TACC2: variants seen among roughly 807,000 people sequenced by gnomAD.
TACC2 encodes transforming acidic coiled-coil-containing protein 2.
In TACC2, 137 loss-of-function variants were observed where a neutral mutation model predicts 227.3. That is an observed-to-expected ratio of 0.60 (90% CI 0.52 to 0.69). The LOEUF (loss-of-function observed/expected upper bound fraction) is 0.69. Ranked by LOEUF, TACC2 falls within the 30% of genes least tolerant of loss-of-function variation. The pLI is 0.00. For missense variants in TACC2, 3,470 were observed against 3,694.4 expected, an observed-to-expected ratio of 0.94 and a Z score of 1.57; for synonymous variants, 1,523 against 1,487.5, an observed-to-expected ratio of 1.02 and a Z score of -0.55.
intron 2 of TACC2, 106 bp downstream of exon 2, chr10:122,022,120 A>G (rs1591146009): frequency 8.8e-7 from 1 of 1,141,232 alleles, no homozygotes; most frequent in East Asian, 2.4e-5. Context: ...AGCAAACAAG[A>G]CAGCTTCTGC....
At chr10:122,133,744 C>T (rs1441259471) in intron 6 of TACC2, among the ~76,000 whole-genome samples, 1 of 152,174 alleles carries the variant, frequency 6.6e-6, no homozygotes, top group Non-Finnish European at 1.5e-5. Flanking sequence ...TTCCTGCAGT[C>T]ACCCGTTGTG....
Position 122,210,047 on chromosome 10 carries a change from G to A in TACC2, c.5972-350G>A, listed in dbSNP as rs1012504065. 5 of 264,198 alleles carry A rather than the reference G, an allele frequency of 1.9e-5. No homozygotes were observed. The highest frequency in any genetic ancestry group is 6.6e-5 in the African/African-American group (3 of 45,688). The allele number at this position is 264,198 out of a possible 1,614,324, so 16.4% of individuals were successfully genotyped here. The stretch of plus-strand genomic sequence containing the variant: ...GAATGTGACTTCCAGGAAGGGAAAG[G>A]TTTTGTCTATTTCTGTTCCTTGTTG... On this transcript the variant is annotated intron_variant, in intron 8 of 22. Coordinates refer to ENST00000369005, the MANE Select transcript of TACC2 (RefSeq NM_206862.4). The surrounding 1 kb of genome is among the most constrained non-coding windows in gnomAD (Gnocchi z 4.6).
intron 5 of TACC2, among the ~76,000 whole-genome samples, chr10:122,116,214 C>G (rs1365390014): frequency 6.6e-6 from 1 of 152,156 alleles, no homozygotes; most frequent in Non-Finnish European, 1.5e-5. Flanking sequence ...GTGAAATTCT[C>G]CAGGGAATGT....
Position 122,086,917 on chromosome 10 carries a change from G to C in TACC2, c.4417G>C (p.Glu1473Gln). The C allele has an allele frequency of 6.2e-7, 1 of 1,613,972 alleles. No individual in the cohort carries two copies. Among genetic ancestry groups the C allele is most frequent in the Non-Finnish European group, 8.5e-7 (1 of 1,180,042 alleles). The change falls in exon 4 of 23, where the codon GAG (glutamate) becomes CAG (glutamine). Residue 1473 changes from glutamate to glutamine, a missense_variant. Physicochemically the swap from Glu to Gln is conservative, Grantham distance 29. Around this residue, in one of 10 missense-constraint regions of TACC2, gnomAD observed 1,924 missense variants for 1,978.3 expected, o/e 0.97. Coordinates refer to ENST00000369005, the MANE Select transcript of TACC2 (RefSeq NM_206862.4). ...LPAPPARLQV[E>Q]KKQQLAGEAE... ...TGCACCTCCTGCTCGACTCCAGGTG[G>C]AGAAGAAGCAACAGTTGGCTGGAGA...
chr10:122,224,168 G>A (rs2095576894), intron 11 of TACC2, among the ~76,000 whole-genome samples: 1 of 152,192 alleles, frequency 6.6e-6, no homozygotes, highest in African/African-American at 2.4e-5. Context: ...GACCAGCCCT[G>A]AAGACACTGG....
At chr10:122,107,873 TATATATA>T (rs2083026222) in intron 5 of TACC2, among the ~76,000 whole-genome samples, 1 of 96,456 alleles carries the variant, frequency 1.0e-5, no homozygotes, top group Admixed American at 1.2e-4. Context: ...TATATATATA[TATATATA>T]TTTTTTTTTT....
chr10:122,059,060 TTTG>T (rs66524910), intron 3 of TACC2, among the ~76,000 whole-genome samples: 26,576 of 70,082 alleles, frequency 0.38, 3,238 homozygotes, highest in East Asian at 0.6. Flanking sequence ...GCCTGGCTAA[TTTG>T]TTGTTGTTGT....
chr10:122,196,020 G>A lies in TACC2; in HGVS notation c.5971+844G>A, dbSNP rs148988233. Among the ~76,000 whole-genome samples the A allele has an allele frequency of 2.4e-3, 360 of 152,290 alleles. 1 individual carries two copies. The highest frequency in any genetic ancestry group is 8.6e-3 in the African/African-American group (356 of 41,560). On this transcript the variant is annotated intron_variant, in intron 8 of 22. Transcript: ENST00000369005. ...CCAAACCCCTTCTAGACCACACGCT[G>A]GATACCTGGGAGCGGCCACTGCCAG...
intron 8 of TACC2, among the ~76,000 whole-genome samples, chr10:122,195,507 G>A (rs1283082915): frequency 3.9e-5 from 6 of 152,174 alleles, no homozygotes; most frequent in African/African-American, 1.4e-4. Flanking sequence ...CTGTGGACAG[G>A]CCTGTGAATC....
intron 7 of TACC2, among the ~76,000 whole-genome samples, chr10:122,183,888 C>T (rs1273089503): frequency 6.6e-6 from 1 of 152,208 alleles, no homozygotes; most frequent in Non-Finnish European, 1.5e-5. Context: ...AGTTCTCATC[C>T]TCAGAACCCA....
intron 1 of TACC2, among the ~76,000 whole-genome samples, chr10:122,014,599 C>T (rs1047541028): frequency 3.3e-5 from 5 of 152,224 alleles, no homozygotes; most frequent in African/African-American, 1.2e-4. Context: ...TCAGCCTGGC[C>T]TAGACCTCAC....
intron 5 of TACC2, among the ~76,000 whole-genome samples, chr10:122,129,060 A>AATTATTATTATT (rs34221080): frequency 0.079 from 10,117 of 128,320 alleles, 490 homozygotes; most frequent in Admixed American, 0.12. Flanking sequence ...ATCTTATTTT[A>AATTATTATTATT]ATTATTATTA....
chr10:122,160,598 C>G (rs905056873), intron 7 of TACC2, among the ~76,000 whole-genome samples: 1 of 151,988 alleles, frequency 6.6e-6, no homozygotes, highest in Non-Finnish European at 1.5e-5. Context: ...TTGAGGGGAC[C>G]CTTATGATGT....
At position 122,254,123 on chromosome 10, in the gene TACC2, C is replaced by G. The variant is rs778450017; in HGVS notation, c.*67C>G. On this transcript the variant is annotated 3_prime_UTR_variant, in exon 23 of 23. Coordinates refer to ENST00000369005, the MANE Select transcript of TACC2 (RefSeq NM_206862.4). ...TGACCGTCGGCACACTGCTGTTCCT[C>G]CAGTTCCATGGACAGGTTCTGTTTT... The G allele has an allele frequency of 7.7e-7, 1 of 1,292,244 alleles. No homozygotes were observed. The highest frequency in any genetic ancestry group is 1.7e-5 in the Admixed American group (1 of 59,582). 80.0% of individuals were successfully genotyped at this position (1,292,244 alleles called of 1,614,324 possible).
intron 19 of TACC2, among the ~76,000 whole-genome samples, chr10:122,244,643 A>G (rs765368379): frequency 6.6e-6 from 1 of 152,078 alleles, no homozygotes; most frequent in Non-Finnish European, 1.5e-5. Context: ...CCTGGGTTCC[A>G]TGCTTTTCTT....
At position 122,084,276 on chromosome 10, in the gene TACC2, G is replaced by A. The variant is rs772802074; in HGVS notation, c.1776G>A (p.Gly592=). The change falls in exon 4 of 23, where the codon GGG becomes GGA. Residue 592 remains glycine, a synonymous_variant. Transcript: ENST00000369005. ...AGCCACCTGATGGTGGAGACCCAGG[G>A]AACCTGCAAGGAGAGGACTCTCAGG... The part of the protein sequence containing the change: ...APEPPDGGDP[G]NLQGEDSQAF... 6.2e-7 allele frequency: 1 copy of A among 1,614,044 alleles called. No individual in the cohort carries two copies.
chr10:122,237,346 G>A lies in TACC2; in HGVS notation c.8128-49G>A, dbSNP rs137907341. On this transcript the variant is annotated intron_variant, in intron 16 of 22. Transcript: ENST00000369005. The stretch of plus-strand genomic sequence containing the variant: ...GAGGGTGAGTGTAATCCTCTTTGTC[G>A]TATGATTAATGCTAACTGTTTTTTT... The A allele has an allele frequency of 7.1e-5, 110 of 1,552,100 alleles. No homozygotes were observed. The Middle Eastern group carries it at 8.6e-4, about 12-fold the overall frequency.
At position 122,249,579 on chromosome 10, in the gene TACC2, C is replaced by A. The variant is rs2096209778; in HGVS notation, c.8696C>A (p.Ala2899Asp). 6.2e-7 allele frequency: 1 copy of A among 1,614,148 alleles called. No homozygotes were observed. Among genetic ancestry groups the A allele is most frequent in the African/African-American group, 1.3e-5 (1 of 75,078 alleles). ...GAGATTGCTCAGGTTCGAGGCAAGG[C>A]CCAGCAGGAGCAAGCCGCCCACCAG... ...NAEIAQVRGK[A>D]QQEQAAHQAS... The change falls in exon 22 of 23, where the codon GCC becomes GAC. Residue 2899 changes from alanine to aspartate, a missense_variant. Physicochemically the swap from Ala to Asp is moderately radical, Grantham distance 126. Transcript: ENST00000369005.
Position 122,211,428 on chromosome 10 carries a change from T to G in TACC2, c.7003T>G (p.Tyr2335Asp). 6.2e-7 allele frequency: 1 copy of G among 1,614,046 alleles called. No homozygotes were observed. Among genetic ancestry groups the G allele is most frequent in the Non-Finnish European group, 8.5e-7 (1 of 1,180,018 alleles). Residue 2335 changes from tyrosine to aspartate, a missense_variant, in exon 9 of 23, where the codon TAC (tyrosine) becomes GAC (aspartate). Tyr to Asp is a radical substitution (Grantham distance 160). This residue lies in a region of TACC2 where 593 missense variants were observed against 636.6 expected (regional missense o/e 0.93). Coordinates refer to ENST00000369005, the MANE Select transcript of TACC2 (RefSeq NM_206862.4). Reference sequence around the variant, plus strand: ...TGACATCCCCATTGCTAAAGGTACTTACACCTTTGATATTGACAAGTGGGA... The same window carrying G: ...TGACATCCCCATTGCTAAAGGTACTGACACCTTTGATATTGACAAGTGGGA... ...PNDIPIAKGT[Y>D]TFDIDKWDDP...
Sources: gnomAD v4.1 joint callset for allele counts (sites outside exome capture counted in the v4.1 genomes callset) on GRCh38, gnomAD v4.1.1 for gene constraint, gnomAD v4.1.1 regional missense constraint, Gnocchi (gnomAD v3.1) non-coding constraint, MANE v1.5 for transcripts, NCBI Gene and HGNC (gene_info 2026-07-23, HGNC 2026-07-21) for gene names.